BRIP1: variants seen among roughly 807,000 people sequenced by gnomAD.
BRIP1 encodes Fanconi anemia group J protein.
In BRIP1, 88 loss-of-function variants were observed where a neutral mutation model predicts 119.7. The observed-to-expected ratio is 0.74, with a 90% CI of 0.62 to 0.88. BRIP1 has a LOEUF of 0.88. BRIP1 is among the 40% of genes least tolerant of loss of function. BRIP1 has a pLI of 0.00. For missense variants in BRIP1, 1,259 were observed against 1,455.4 expected (o/e 0.87, Z 2.20); for synonymous variants, 443 against 496.5 (o/e 0.89, Z 1.43).
intron 10 of BRIP1, among the ~76,000 whole-genome samples, chr17:61,788,084 T>C (rs554035814): frequency 3.9e-5 from 6 of 152,148 alleles, no homozygotes; most frequent in Non-Finnish European, 7.4e-5. Context: ...GTTATCTACA[T>C]GGAAAATTTA....
In BRIP1 at chr17:61,776,488, A is replaced by T. The variant is rs762535496; in HGVS notation, c.2010T>A (p.Phe670Leu). The T allele has an allele frequency of 6.2e-7, 1 of 1,613,994 alleles. No individual in the cohort carries two copies. The highest frequency in any genetic ancestry group is 8.5e-7 in the Non-Finnish European group (1 of 1,179,850). Residue 670 changes from phenylalanine (F) to leucine (L), a missense_variant, in exon 14 of 20, where the codon TTT becomes TTA. Physicochemically the swap from Phe to Leu is conservative, Grantham distance 22. Transcript: ENST00000259008. The surrounding 1 kb of genome is among the most constrained non-coding windows in gnomAD (Gnocchi z 5.0). ...GTGCTCCCACTTCATCTTGGAACTCAAATGTTTCAGTATTCTGGAAGGTAG... is the reference window on the plus strand; with the variant it reads ...GTGCTCCCACTTCATCTTGGAACTCTAATGTTTCAGTATTCTGGAAGGTAG... ...LCATFQNTET[F>L]EFQDEVGALL... is the part of the protein sequence containing the mutation.
rs1294045859 is a variant in BRIP1 at position 61,770,498 on chromosome 17, A to G, written c.2097+5903T>C. 6.6e-6 allele frequency among the ~76,000 whole-genome samples: 1 copy of G among 152,208 alleles called. No homozygotes were observed. The highest frequency in any genetic ancestry group is 2.4e-5 in the African/African-American group (1 of 41,458). On this transcript the variant is annotated intron_variant, in intron 14 of 19. Transcript: ENST00000259008. The surrounding 1 kb of genome is among the most constrained non-coding windows in gnomAD (Gnocchi z 4.7). ...AGATACAAAAGACAATATAAAATGT[A>G]TTCTGTTTTTAATTTTTTTTATCTG... is the stretch of plus-strand genomic sequence containing the variant.
chr17:61,712,011 TATATATATA>T (rs2061784946), intron 17 of BRIP1, among the ~76,000 whole-genome samples: 1 of 152,146 alleles, frequency 6.6e-6, no homozygotes, highest in East Asian at 1.9e-4. Flanking sequence ...TATGTATTTG[TATATATATA>T]CATATAGCTA....
chr17:61,847,031 T>C (rs982441926), intron 6 of BRIP1, 70 bp downstream of exon 6: 15 of 1,581,368 alleles, frequency 9.5e-6, no homozygotes, highest in African/African-American at 1.3e-5. Context: ...TGTTCCTCTT[T>C]TGTCAAAAAT....
intron 16 of BRIP1, among the ~76,000 whole-genome samples, chr17:61,718,924 G>A (rs1401165261): frequency 6.6e-6 from 1 of 152,118 alleles, no homozygotes; most frequent in Non-Finnish European, 1.5e-5. Flanking sequence ...TACTTTAATA[G>A]CTAATATGAT....
At chr17:61,784,524 A>G in intron 10 of BRIP1, 100 bp from the exon 11 acceptor site, 3 of 1,094,562 alleles carry the variant, frequency 2.7e-6, no homozygotes, top group South Asian at 2.7e-5. Flanking sequence ...ATGCATTGAA[A>G]TTTTAGGTGA....
rs2076911282 is a variant in BRIP1, at chr17:61,735,857, C to T, written c.2379+7156G>A. 6.6e-6 allele frequency among the ~76,000 whole-genome samples: 1 copy of T among 152,062 alleles called. No individual in the cohort carries two copies. The highest frequency in any genetic ancestry group is 1.5e-5 in the Non-Finnish European group (1 of 68,010). On this transcript the variant is annotated intron_variant, in intron 16 of 19. Transcript: ENST00000259008. This position sits in a 1 kb window ranked among gnomAD's most constrained non-coding sequence, Gnocchi z 4.4. ...TGGATTAGGAAGAACCTCAGTCCTACAACCACAAACGGACCCCAAGTGCCA... is the reference window on the plus strand; with the variant it reads ...TGGATTAGGAAGAACCTCAGTCCTATAACCACAAACGGACCCCAAGTGCCA...
At position 61,695,749 on chromosome 17, in the gene BRIP1, A is replaced by AT. The variant is rs1157033762; in HGVS notation, c.2493-2238dup. Reference sequence around the variant, plus strand: ...TCTTTCTGATGTTATTTTAAATGGTATTTTTTAAGTTCATTTTTAGATTTT... The same window carrying AT: ...TCTTTCTGATGTTATTTTAAATGGTATTTTTTTAAGTTCATTTTTAGATTTT... On this transcript the variant is annotated intron_variant, in intron 17 of 19. Transcript: ENST00000259008. This position sits in a 1 kb window ranked among gnomAD's most constrained non-coding sequence, Gnocchi z 4.3. Among the ~76,000 whole-genome samples, 1 of 152,012 alleles carries AT rather than the reference A, an allele frequency of 6.6e-6. No individual in the cohort carries two copies. Among genetic ancestry groups the AT allele is most frequent in the African/African-American group, 2.4e-5 (1 of 41,414 alleles).
chr17:61,830,613 G>A (rs1448720232), intron 6 of BRIP1, among the ~76,000 whole-genome samples: 3 of 152,030 alleles, frequency 2.0e-5, no homozygotes, highest in African/African-American at 7.2e-5. Context: ...TACTAAAACT[G>A]ACTCAGAAAC....
Position 61,853,195 on chromosome 17 carries a change from T to C in BRIP1, c.379+3863A>G, listed in dbSNP as rs959054038. ...TGAATGAATCTCACAAATACAATAT[T>C]AAGCAGAAGACAGACACAAGATTAC... On this transcript the variant is annotated intron_variant, in intron 4 of 19. Coordinates refer to ENST00000259008, the MANE Select transcript of BRIP1 (RefSeq NM_032043.3). This position sits in a 1 kb window ranked among gnomAD's most constrained non-coding sequence, Gnocchi z 4.3. 1.3e-5 allele frequency among the ~76,000 whole-genome samples: 2 copies of C among 151,158 alleles called. No individual in the cohort carries two copies. The highest frequency in any genetic ancestry group is 2.1e-4 in the South Asian group (1 of 4,812).
chr17:61,811,369 G>A (rs1422283593), intron 6 of BRIP1, among the ~76,000 whole-genome samples: 8 of 151,778 alleles, frequency 5.3e-5, no homozygotes, highest in Middle Eastern at 3.4e-3. Flanking sequence ...GATTACAGGC[G>A]TCCACCACCA....
At chr17:61,763,520 C>T (rs1025197412) in intron 14 of BRIP1, among the ~76,000 whole-genome samples, 1 of 152,096 alleles carries the variant, frequency 6.6e-6, no homozygotes, top group Non-Finnish European at 1.5e-5. Flanking sequence ...ACATTATCTA[C>T]ACTAGGCAAG....
At position 61,736,487 on chromosome 17, in the gene BRIP1, T is replaced by C. The variant is rs1464094769; in HGVS notation, c.2379+6526A>G. ...GCATTCCCTTCTACATATCCTCTAA[T>C]GATTTACTACTATAACTACCCTGTA... On this transcript the variant is annotated intron_variant, in intron 16 of 19. Coordinates refer to ENST00000259008, the MANE Select transcript of BRIP1 (RefSeq NM_032043.3). This position sits in a 1 kb window ranked among gnomAD's most constrained non-coding sequence, Gnocchi z 4.4. Among the ~76,000 whole-genome samples, 2 of 152,204 alleles carry C rather than the reference T, an allele frequency of 1.3e-5. No individual in the cohort carries two copies. Among genetic ancestry groups the C allele is most frequent in the Non-Finnish European group, 2.9e-5 (2 of 68,024 alleles).
rs1226572493 is a variant in BRIP1, at chr17:61,810,143, A to G, written c.628-1386T>C. 1.3e-5 allele frequency among the ~76,000 whole-genome samples: 2 copies of G among 152,240 alleles called. No individual in the cohort carries two copies. The highest frequency in any genetic ancestry group is 1.3e-4 in the Admixed American group (2 of 15,290). On this transcript the variant is annotated intron_variant, in intron 6 of 19. Transcript: ENST00000259008. The surrounding 1 kb of genome is among the most constrained non-coding windows in gnomAD (Gnocchi z 4.7). ...TACATTCTCCTCTCAGGTTGCCAGT[A>G]ACAGCAGATTTCATTACAGAGTGCT...
chr17:61,724,674 A>G lies in BRIP1; in HGVS notation c.2380-8611T>C, dbSNP rs1373560874. Among the ~76,000 whole-genome samples the G allele has an allele frequency of 1.3e-5, 2 of 152,198 alleles. No individual in the cohort carries two copies. Among genetic ancestry groups the G allele is most frequent in the Non-Finnish European group, 2.9e-5 (2 of 68,028 alleles). ...AGTAATAAATGCCTTCCTGAAAGCAATCAATAGAAGAATATAATTTTTTTC... is the reference window on the plus strand; with the variant it reads ...AGTAATAAATGCCTTCCTGAAAGCAGTCAATAGAAGAATATAATTTTTTTC... On this transcript the variant is annotated intron_variant, in intron 16 of 19. Transcript: ENST00000259008. This position sits in a 1 kb window ranked among gnomAD's most constrained non-coding sequence, Gnocchi z 5.1.
intron 11 of BRIP1, among the ~76,000 whole-genome samples, chr17:61,782,009 A>T (rs1301532880): frequency 6.6e-6 from 1 of 152,066 alleles, no homozygotes; most frequent in Non-Finnish European, 1.5e-5. Flanking sequence ...GAGAGATTAG[A>T]TCTCAAAATT....
Position 61,682,072 on chromosome 17 carries a change from T to C in BRIP1, c.*1224A>G, listed in dbSNP as rs1219255031. 2 of 204,166 alleles carry C rather than the reference T, an allele frequency of 9.8e-6. No homozygotes were observed. Among genetic ancestry groups the C allele is most frequent in the Admixed American group, 6.0e-5 (1 of 16,726 alleles). The allele number at this position is 204,166 out of a possible 1,614,324, so 12.6% of individuals were successfully genotyped here. ...AATCATTTTTGATTAGACATATAGC[T>C]TCATTCACAAAAACACAAACAAGGT... On this transcript the variant is annotated 3_prime_UTR_variant, in exon 20 of 20. Transcript: ENST00000259008. The surrounding 1 kb of genome is among the most constrained non-coding windows in gnomAD (Gnocchi z 4.9).
chr17:61,683,769 G>GAA lies in BRIP1; in HGVS notation c.3276_3277insTT (p.Leu1093PhefsTer16). 1.2e-6 allele frequency: 2 copies of GAA among 1,614,180 alleles called. No individual in the cohort carries two copies. Reference sequence around the variant, plus strand: ...GGATCCAGGGCTTCTTCAGAACAGAGCGGATGTTCAGAATGATTTTTTCTA... The same window carrying GAA: ...GGATCCAGGGCTTCTTCAGAACAGAGAACGGATGTTCAGAATGATTTTTTCTA... On this transcript the variant is annotated frameshift_variant, in exon 20 of 20. Transcript: ENST00000259008. LOFTEE classifies it low-confidence loss of function (END_TRUNC). This position sits in a 1 kb window ranked among gnomAD's most constrained non-coding sequence, Gnocchi z 4.7.
chr17:61,829,503 C>A (rs1011029063), intron 6 of BRIP1, among the ~76,000 whole-genome samples: 10 of 93,624 alleles, frequency 1.1e-4, no homozygotes, highest in Non-Finnish European at 2.8e-4. Context: ...TATAAGTAGA[C>A]CAAAAAAAAC....
Sources: gnomAD v4.1 joint callset for allele counts (sites outside exome capture counted in the v4.1 genomes callset) on GRCh38, gnomAD v4.1.1 for gene constraint, Gnocchi (gnomAD v3.1) non-coding constraint, MANE v1.5 for transcripts, NCBI Gene and HGNC (gene_info 2026-07-23, HGNC 2026-07-21) for gene names.